The following MEGF9 variants were observed in gnomAD, a reference collection of about 807,000 sequenced individuals.
MEGF9 encodes the protein multiple EGF like domains 9.
A neutral mutation model predicts 46.8 loss-of-function variants in MEGF9; 6 were observed. The ratio of observed to expected loss-of-function variants is 0.13; its 90% CI spans 0.07 to 0.25. The LOEUF is 0.25. Ranked by LOEUF, MEGF9 falls within the 10% of genes least tolerant of loss-of-function variation. The pLI is 1.00. For synonymous variants in MEGF9, 302 were observed against 330.7 expected, an observed-to-expected ratio of 0.91 and a Z score of 0.94; for missense variants, 683 against 792.4, an observed-to-expected ratio of 0.86 and a Z score of 1.66.
intron 1 of MEGF9, among the ~76,000 whole-genome samples, chr9:120,671,758 T>A (rs2132328359): frequency 6.6e-6 from 1 of 152,300 alleles, no homozygotes; most frequent in South Asian, 2.1e-4. Flanking sequence ...TCCAATTAAT[T>A]CTATAAGGAC....
chr9:120,628,834 A>C lies in MEGF9; in HGVS notation c.804-6079T>G, dbSNP rs146901953. On this transcript the variant is annotated intron_variant, in intron 2 of 5. Coordinates refer to ENST00000373930, the MANE Select transcript of MEGF9 (RefSeq NM_001080497.3). ...AAATATCCTTGAATAAATAGTCCAG[A>C]ACAAGGCAGTGCCTCTGCTTGCAAA... Among the ~76,000 whole-genome samples the C allele has an allele frequency of 3.5e-3, 526 of 152,316 alleles. 6 individuals are homozygous for C. Among genetic ancestry groups the C allele is most frequent in the African/African-American group, 0.012 (503 of 41,554 alleles).
In MEGF9 at chr9:120,655,043, TA is replaced by T. The variant is rs569115037; in HGVS notation, c.803+4330del. On this transcript the variant is annotated intron_variant, in intron 2 of 5. Coordinates refer to ENST00000373930, the MANE Select transcript of MEGF9 (RefSeq NM_001080497.3). Reference sequence around the variant, plus strand: ...TTTAAAACATCAGAGATCATAATGTTAAAAAGCTAGAGTAAGCTAAGATTAA... The same window carrying T: ...TTTAAAACATCAGAGATCATAATGTTAAAAGCTAGAGTAAGCTAAGATTAA... Among the ~76,000 whole-genome samples the T allele has an allele frequency of 2.3e-3, 355 of 152,342 alleles. 2 individuals carry two copies. Among genetic ancestry groups the T allele is most frequent in the African/African-American group, 8.3e-3 (344 of 41,584 alleles).
At chr9:120,673,449 G>A (rs2043758970) in intron 1 of MEGF9, among the ~76,000 whole-genome samples, 1 of 152,068 alleles carries the variant, frequency 6.6e-6, no homozygotes, top group African/African-American at 2.4e-5. Flanking sequence ...AAGACATGGT[G>A]TTATTGGTAA....
In MEGF9 at chr9:120,699,724, TA is replaced by T. The variant is rs60740438; in HGVS notation, c.601+14033del. 2.1e-3 allele frequency among the ~76,000 whole-genome samples: 231 copies of T among 112,394 alleles called. 1 individual carries two copies. Among genetic ancestry groups the T allele is most frequent in the Admixed American group, 8.4e-3 (88 of 10,494 alleles). The allele number at this position is 112,394 out of a possible 152,430, so 73.7% of individuals were successfully genotyped here. ...GGTGAAAGAGTGAGACCGTGTTTCT[TA>T]AAAAAAAAAAAAAAAAAAAGTAAGT... On this transcript the variant is annotated intron_variant, in intron 1 of 5. Coordinates refer to ENST00000373930, the MANE Select transcript of MEGF9 (RefSeq NM_001080497.3).
At chr9:120,663,388 A>G (rs1249175744) in intron 1 of MEGF9, among the ~76,000 whole-genome samples, 1 of 152,254 alleles carries the variant, frequency 6.6e-6, no homozygotes, top group Non-Finnish European at 1.5e-5. Context: ...TAAGTAAAGT[A>G]AAATCTCAGA....
chr9:120,683,933 A>G (rs1001311595), intron 1 of MEGF9, among the ~76,000 whole-genome samples: 1 of 152,164 alleles, frequency 6.6e-6, no homozygotes, highest in African/African-American at 2.4e-5. Flanking sequence ...CTTACAAGGA[A>G]AAAAATTTAA....
intron 1 of MEGF9, among the ~76,000 whole-genome samples, chr9:120,711,869 A>ACACACACACACACACACC (rs1205420778): frequency 6.7e-6 from 1 of 149,834 alleles, no homozygotes; most frequent in African/African-American, 2.5e-5. Context: ...ACACACACAC[A>ACACACACACACACACACC]CACCCACAGG....
intron 1 of MEGF9, among the ~76,000 whole-genome samples, chr9:120,690,988 AC>A (rs2043845556): frequency 6.6e-6 from 1 of 152,166 alleles, no homozygotes; most frequent in Admixed American, 6.5e-5. Flanking sequence ...ACATTTTAGC[AC>A]AAGTTGTTTG....
intron 1 of MEGF9, among the ~76,000 whole-genome samples, chr9:120,702,073 A>T (rs929018433): frequency 1.3e-5 from 2 of 152,112 alleles, no homozygotes; most frequent in African/African-American, 4.8e-5. Context: ...TAATTAATTA[A>T]AAAAATTACC....
chr9:120,607,532 A>G (rs1030282292), intron 5 of MEGF9, among the ~76,000 whole-genome samples: 1 of 152,232 alleles, frequency 6.6e-6, no homozygotes, highest in Non-Finnish European at 1.5e-5. Context: ...TCACTGTCGC[A>G]ATGACTTTGT....
chr9:120,659,431 C>A lies in MEGF9; in HGVS notation c.746G>T (p.Gly249Val), dbSNP rs1375173760. 6.2e-7 allele frequency: 1 copy of A among 1,613,648 alleles called. No individual in the cohort carries two copies. The highest frequency in any genetic ancestry group is 8.5e-7 in the Non-Finnish European group (1 of 1,179,860). Reference sequence around the variant, plus strand: ...ACTACAGTCACATGGCTGACAGAGCCCAGAAGTGTAATTTAGGTAAAAGCC... The same window carrying A: ...ACTACAGTCACATGGCTGACAGAGCACAGAAGTGTAATTTAGGTAAAAGCC... The part of the protein sequence containing the change: ...KEGFYLNYTS[G>V]LCQPCDCSPH... Residue 249 changes from glycine to valine, a missense_variant, in exon 2 of 6, where the codon GGG (glycine) becomes GTG (valine). Coordinates refer to ENST00000373930, the MANE Select transcript of MEGF9 (RefSeq NM_001080497.3).
intron 1 of MEGF9, among the ~76,000 whole-genome samples, chr9:120,705,528 A>T (rs989020312): frequency 2.0e-5 from 3 of 151,998 alleles, no homozygotes; most frequent in African/African-American, 7.2e-5. Flanking sequence ...GAGCAAGGAG[A>T]ATGGAAGAAA....
At chr9:120,653,633 A>C (rs1296996462) in intron 2 of MEGF9, among the ~76,000 whole-genome samples, 16 of 152,100 alleles carry the variant, frequency 1.1e-4, no homozygotes, top group Non-Finnish European at 7.4e-5. Flanking sequence ...CAGCTTCCCA[A>C]AGTGCTGGGA....
chr9:120,651,414 T>C (rs796585743), intron 2 of MEGF9, among the ~76,000 whole-genome samples: 41 of 152,294 alleles, frequency 2.7e-4, no homozygotes, highest in African/African-American at 9.6e-4. Context: ...ACTGCAAATG[T>C]TTTAATTCCA....
intron 1 of MEGF9, among the ~76,000 whole-genome samples, chr9:120,700,018 A>C (rs2132342858): frequency 1.3e-5 from 2 of 152,330 alleles, no homozygotes; most frequent in Admixed American, 1.3e-4. Context: ...GTTTAATCAA[A>C]GCTATCTTGG....
chr9:120,627,233 T>A (rs1289075706), intron 2 of MEGF9, among the ~76,000 whole-genome samples: 1 of 152,156 alleles, frequency 6.6e-6, no homozygotes. Flanking sequence ...AAATCCTACA[T>A]TAGGTGGGAT....
At chr9:120,654,316 T>C (rs1455356958) in intron 2 of MEGF9, among the ~76,000 whole-genome samples, 1 of 151,930 alleles carries the variant, frequency 6.6e-6, no homozygotes, top group Admixed American at 6.6e-5. Context: ...TAGGCACACA[T>C]AGAAAATAGT....
chr9:120,672,263 G>T (rs904022837), intron 1 of MEGF9, among the ~76,000 whole-genome samples: 1 of 151,982 alleles, frequency 6.6e-6, no homozygotes, highest in Non-Finnish European at 1.5e-5. Flanking sequence ...AATAAGGCAA[G>T]GAAAAGAAAG....
At chr9:120,659,299 G>T in intron 2 of MEGF9, 75 bp downstream of exon 2, 1 of 1,278,486 alleles carries the variant, frequency 7.8e-7, no homozygotes, top group Non-Finnish European at 1.1e-6. Flanking sequence ...AACCAGTATG[G>T]TCCTTGAGAG....
Sources: gnomAD v4.1 joint callset for allele counts (sites outside exome capture counted in the v4.1 genomes callset) on GRCh38, gnomAD v4.1.1 for gene constraint, MANE v1.5 for transcripts, NCBI Gene and HGNC (gene_info 2026-07-23, HGNC 2026-07-21) for gene names.